The following SORCS2 variants were observed in gnomAD, a reference collection of about 807,000 sequenced individuals.
SORCS2 encodes sortilin related VPS10 domain containing receptor 2.
In SORCS2, 100 loss-of-function variants were observed where a neutral mutation model predicts 141.6. That is an observed-to-expected ratio of 0.71 (90% CI 0.60 to 0.83). The LOEUF (loss-of-function observed/expected upper bound fraction) is 0.83. Ranked by LOEUF, SORCS2 falls within the 40% of genes least tolerant of loss-of-function variation. The pLI, the probability that SORCS2 is intolerant of heterozygous loss-of-function variation, is 0.00. For synonymous variants in SORCS2, 789 were observed against 676.9 expected (o/e 1.17, Z -2.57); for missense variants, 1,646 against 1,560.2 (o/e 1.05, Z -0.93).
intron 2 of SORCS2, among the ~76,000 whole-genome samples, chr4:7,479,628 C>G (rs1230176796): frequency 6.6e-6 from 1 of 152,232 alleles, no homozygotes; most frequent in African/African-American, 2.4e-5. Flanking sequence ...TGCTGGGCTC[C>G]CCTCGTTCCT....
intron 5 of SORCS2, among the ~76,000 whole-genome samples, chr4:7,658,324 TGA>T (rs1721939534): frequency 6.9e-6 from 1 of 144,392 alleles, no homozygotes; most frequent in Non-Finnish European, 1.6e-5. Context: ...TGTGACTGGG[TGA>T]GTGGGTGAAT....
At chr4:7,592,256 AT>A (rs550695355) in intron 3 of SORCS2, among the ~76,000 whole-genome samples, 1 of 151,310 alleles carries the variant, frequency 6.6e-6, no homozygotes, top group African/African-American at 2.4e-5. Flanking sequence ...AATTATTATT[AT>A]TTTTTTTAAC....
At chr4:7,300,159 C>T (rs560037110) in intron 1 of SORCS2, among the ~76,000 whole-genome samples, 15 of 152,232 alleles carry the variant, frequency 9.9e-5, no homozygotes, top group African/African-American at 3.6e-4. Flanking sequence ...ATGCAGGAGC[C>T]GAGCTGGGTT....
At chr4:7,587,971 C>CT (rs1291316470) in intron 3 of SORCS2, among the ~76,000 whole-genome samples, 1 of 152,210 alleles carries the variant, frequency 6.6e-6, no homozygotes, top group Non-Finnish European at 1.5e-5. Flanking sequence ...ACCAATTTCT[C>CT]TAACTGTAAA....
At position 7,664,453 on chromosome 4, in the gene SORCS2, C is replaced by T. The variant is rs35935435; in HGVS notation, c.1053C>T (p.Asp351=). The stretch of plus-strand genomic sequence containing the variant: ...ACCACGGGTCTCTGACCGTGCAGGA[C>T]GATTACATCTTCTTTAAGGTAAGGT... The part of the protein sequence containing the change: ...PIDHGSLTVQ[D]DYIFFKATSA... The change falls in exon 7 of 27, where the codon GAC becomes GAT. Residue 351 remains aspartate, a synonymous_variant. Transcript: ENST00000507866. The surrounding 1 kb of genome is among the most constrained non-coding windows in gnomAD (Gnocchi z 4.7). The T allele has an allele frequency of 2.0e-5, 32 of 1,612,740 alleles. No individual in the cohort carries two copies. The highest frequency in any genetic ancestry group is 4.5e-5 in the East Asian group (2 of 44,870).
intron 10 of SORCS2, among the ~76,000 whole-genome samples, chr4:7,688,054 G>T (rs527381562): frequency 1.4e-4 from 21 of 152,322 alleles, no homozygotes; most frequent in African/African-American, 4.8e-4. Flanking sequence ...CCACCTGGTC[G>T]CATCTTATCC....
intron 3 of SORCS2, among the ~76,000 whole-genome samples, chr4:7,581,885 G>T (rs1716181164): frequency 6.6e-6 from 1 of 152,042 alleles, no homozygotes; most frequent in Admixed American, 6.6e-5. Flanking sequence ...CCTAGAAATG[G>T]TGTTTTTAAA....
intron 2 of SORCS2, among the ~76,000 whole-genome samples, chr4:7,461,352 G>T (rs149416450): frequency 6.6e-6 from 1 of 151,756 alleles, no homozygotes; most frequent in African/African-American, 2.4e-5. Context: ...CCAAAGTCCC[G>T]CCTCACCAGC....
At chr4:7,725,977 C>T (rs1228533299) in intron 20 of SORCS2, among the ~76,000 whole-genome samples, 5 of 152,346 alleles carry the variant, frequency 3.3e-5, no homozygotes, top group East Asian at 3.9e-4. Flanking sequence ...GCCTCGGCTC[C>T]GCCACTTCCA....
chr4:7,311,653 G>A (rs538032233), intron 1 of SORCS2, among the ~76,000 whole-genome samples: 27 of 152,242 alleles, frequency 1.8e-4, no homozygotes, highest in African/African-American at 5.8e-4. Context: ...GAATGATGTC[G>A]AGCTTCTTTA....
intron 1 of SORCS2, among the ~76,000 whole-genome samples, chr4:7,255,237 G>A (rs967709806): frequency 2.6e-5 from 4 of 152,018 alleles, no homozygotes; most frequent in South Asian, 4.1e-4. Context: ...TGCTTCCCGG[G>A]CAGTTTCCGT....
intron 2 of SORCS2, among the ~76,000 whole-genome samples, chr4:7,470,158 A>C (rs35119395): frequency 0.078 from 11,860 of 151,942 alleles, 829 homozygotes; most frequent in East Asian, 0.31. Context: ...TAATATATCT[A>C]TCCAGTCATC....
chr4:7,596,177 G>A (rs923995203), intron 3 of SORCS2, among the ~76,000 whole-genome samples: 5 of 152,126 alleles, frequency 3.3e-5, no homozygotes, highest in Non-Finnish European at 5.9e-5. Context: ...ATAAGTATAC[G>A]ATAGAATAGA....
intron 3 of SORCS2, among the ~76,000 whole-genome samples, chr4:7,561,328 G>T (rs991104166): frequency 6.6e-6 from 1 of 150,828 alleles, no homozygotes; most frequent in Admixed American, 6.6e-5. Context: ...TACAGACATG[G>T]AGGGGAGCGG....
At chr4:7,692,596 G>A (rs775324425) in intron 11 of SORCS2, among the ~76,000 whole-genome samples, 27 of 152,206 alleles carry the variant, frequency 1.8e-4, no homozygotes, top group Non-Finnish European at 3.4e-4. Flanking sequence ...AAATGAAGGA[G>A]CTAAGACTCA....
At chr4:7,359,054 G>A (rs574074736) in intron 1 of SORCS2, among the ~76,000 whole-genome samples, 4 of 152,288 alleles carry the variant, frequency 2.6e-5, no homozygotes, top group East Asian at 1.9e-4. Flanking sequence ...CTAGTACTTC[G>A]GGAGGCCGAG....
chr4:7,736,615 G>C (rs1712199459), intron 25 of SORCS2, among the ~76,000 whole-genome samples: 1 of 152,208 alleles, frequency 6.6e-6, no homozygotes, highest in African/African-American at 2.4e-5. Context: ...GGGAAATCGA[G>C]GACAGTACTC....
At chr4:7,210,908 G>T (rs1018529385) in intron 1 of SORCS2, among the ~76,000 whole-genome samples, 1 of 152,144 alleles carries the variant, frequency 6.6e-6, no homozygotes, top group African/African-American at 2.4e-5. Context: ...CAGGCAGGGG[G>T]TAGTCAGCCA....
chr4:7,648,106 G>T lies in SORCS2; in HGVS notation c.814-6028G>T, dbSNP rs1190822136. The stretch of plus-strand genomic sequence containing the variant: ...GAGGGCTCTGCTTACGGTGGGGCAG[G>T]TGGGGTGGCGGGCACCTCTGGGATT... On this transcript the variant is annotated intron_variant, in intron 4 of 26. Coordinates refer to ENST00000507866, the MANE Select transcript of SORCS2 (RefSeq NM_020777.3). This position sits in a 1 kb window ranked among gnomAD's most constrained non-coding sequence, Gnocchi z 4.2. Among the ~76,000 whole-genome samples, 1 of 152,288 alleles carries T rather than the reference G, an allele frequency of 6.6e-6. No homozygotes were observed. The highest frequency in any genetic ancestry group is 1.9e-4 in the East Asian group (1 of 5,176).
Sources: gnomAD v4.1 joint callset for allele counts (sites outside exome capture counted in the v4.1 genomes callset) on GRCh38, gnomAD v4.1.1 for gene constraint, Gnocchi (gnomAD v3.1) non-coding constraint, MANE v1.5 for transcripts, NCBI Gene and HGNC (gene_info 2026-07-23, HGNC 2026-07-21) for gene names.